The following SGCE variants were observed in gnomAD, a reference collection of about 807,000 sequenced individuals.
SGCE encodes sarcoglycan epsilon.
In SGCE, 26 loss-of-function variants were observed where a neutral mutation model predicts 57.8. The ratio of observed to expected loss-of-function variants is 0.45; its 90% CI spans 0.33 to 0.62. The LOEUF (loss-of-function observed/expected upper bound fraction) is 0.62. Among genes scored for constraint, SGCE ranks in the 20% least tolerant of loss-of-function variants. The pLI is 0.02. For missense variants in SGCE, 468 were observed against 548.6 expected (o/e 0.85, Z 1.47); for synonymous variants, 183 against 189.5 (o/e 0.97, Z 0.28).
chr7:94,597,259 C>G (rs956281471), intron 9 of SGCE: 1 of 152,186 alleles, frequency 6.6e-6, no homozygotes, highest in African/African-American at 2.4e-5. Flanking sequence ...TACTTACACT[C>G]TCATACACAC....
At chr7:94,599,060 A>C in intron 8 of SGCE, 97 bp from the exon 9 acceptor site, 1 of 893,638 alleles carries the variant, frequency 1.1e-6, no homozygotes, top group Non-Finnish European at 1.7e-6. Flanking sequence ...TTTATCTTTT[A>C]AAATAATAAG....
intron 5 of SGCE, among the ~76,000 whole-genome samples, chr7:94,606,453 C>T (rs189762646): frequency 6.5e-4 from 99 of 152,266 alleles, no homozygotes; most frequent in African/African-American, 2.2e-3. Flanking sequence ...GTATATGCCT[C>T]ATAACAGTGC....
intron 1 of SGCE, among the ~76,000 whole-genome samples, chr7:94,635,911 G>A (rs2117017317): frequency 6.6e-6 from 1 of 152,204 alleles, no homozygotes; most frequent in East Asian, 1.9e-4. Flanking sequence ...CCATTCATCT[G>A]GCATTGGCCA....
At chr7:94,631,477 A>C (rs954562017) in intron 1 of SGCE, among the ~76,000 whole-genome samples, 2 of 151,938 alleles carry the variant, frequency 1.3e-5, no homozygotes, top group African/African-American at 4.8e-5. Flanking sequence ...CAACACCTGG[A>C]AATATGGGAG....
chr7:94,588,191 C>G (rs73425438), intron 10 of SGCE: 1 of 1,072,522 alleles, frequency 9.3e-7, no homozygotes, highest in Non-Finnish European at 1.1e-6. Context: ...GAGAATTGTC[C>G]GCCATCTTGT....
chr7:94,624,162 C>CAA (rs11331999), intron 3 of SGCE: 259 of 350,970 alleles, frequency 7.4e-4, no homozygotes, highest in South Asian at 4.8e-3. Context: ...TGCAGTACCT[C>CAA]AAAAAAAAAA....
chr7:94,643,047 G>A (rs62465759), intron 1 of SGCE, among the ~76,000 whole-genome samples: 12,751 of 152,256 alleles, frequency 0.084, 582 homozygotes, highest in East Asian at 0.13. Flanking sequence ...AATGGGGTGA[G>A]TGCCCAGGCA....
At chr7:94,622,490 G>A (rs1388715683) in intron 4 of SGCE, 2 of 152,134 alleles carry the variant, frequency 1.3e-5, no homozygotes, top group African/African-American at 4.8e-5. Context: ...TTAGCCGGGT[G>A]TGGTGGCAGG....
chr7:94,614,389 A>G (rs1475868168), intron 5 of SGCE, among the ~76,000 whole-genome samples: 4 of 152,170 alleles, frequency 2.6e-5, no homozygotes, highest in Non-Finnish European at 5.9e-5. Flanking sequence ...AAATTTTAGT[A>G]TCAACCATTT....
chr7:94,655,762 C>A (rs985880716), intron 1 of SGCE, among the ~76,000 whole-genome samples: 1 of 86,480 alleles, frequency 1.2e-5, no homozygotes, highest in African/African-American at 6.4e-5. Context: ...GAGGGGCCCG[C>A]GGGGGCGCGG....
In SGCE at chr7:94,603,279, T is replaced by C; in HGVS notation, c.825+11A>G. On this transcript the variant is annotated intron_variant, in intron 6 of 10. Coordinates refer to ENST00000648936, the MANE Select transcript of SGCE (RefSeq NM_003919.3). ...TTTAACTAAACTTGCAAAAACAAAA[T>C]AAAAACTTACCAATGAAATTTTGCA... The C allele has an allele frequency of 6.2e-7, 1 of 1,607,972 alleles. No individual in the cohort carries two copies. The highest frequency in any genetic ancestry group is 8.5e-7 in the Non-Finnish European group (1 of 1,175,612).
At chr7:94,604,654 T>C (rs1799765343) in intron 5 of SGCE, among the ~76,000 whole-genome samples, 1 of 151,364 alleles carries the variant, frequency 6.6e-6, no homozygotes, top group Admixed American at 6.6e-5. Flanking sequence ...TTGTTATAAC[T>C]AATGGTGCTG....
intron 1 of SGCE, among the ~76,000 whole-genome samples, chr7:94,634,784 T>G (rs1584726768): frequency 6.6e-6 from 1 of 152,188 alleles, no homozygotes; most frequent in African/African-American, 2.4e-5. Context: ...CTTACTATAC[T>G]TGAGAGAGAG....
intron 10 of SGCE, among the ~76,000 whole-genome samples, chr7:94,586,075 A>AC (rs1194247925): frequency 1.3e-5 from 2 of 150,122 alleles, no homozygotes; most frequent in Admixed American, 1.3e-4. Context: ...AAAAAAAAAA[A>AC]AAAAAAAAAA....
intron 1 of SGCE, 130 bp from the exon 2 acceptor site, chr7:94,629,971 G>T: frequency 2.0e-6 from 2 of 990,146 alleles, no homozygotes; most frequent in Non-Finnish European, 3.0e-6. Flanking sequence ...GAAGCAACAT[G>T]CAAGGAAACT....
intron 4 of SGCE, chr7:94,620,221 G>A (rs1802547560): frequency 6.6e-6 from 1 of 151,990 alleles, no homozygotes; most frequent in East Asian, 1.9e-4. Context: ...GACATTTGAT[G>A]CCTGAGATGA....
intron 5 of SGCE, chr7:94,618,480 G>A (rs900658895): frequency 2.7e-5 from 9 of 337,920 alleles, no homozygotes; most frequent in African/African-American, 1.7e-4. Context: ...TAAATAATCA[G>A]CTTCTTAATG....
chr7:94,599,967 T>G (rs1367718166), intron 7 of SGCE: 1 of 372,960 alleles, frequency 2.7e-6, no homozygotes, highest in African/African-American at 2.1e-5. Context: ...AGGCCTTGAT[T>G]GAAATAAATT....
At chr7:94,604,470 C>A (rs999516485) in intron 5 of SGCE, among the ~76,000 whole-genome samples, 2 of 151,696 alleles carry the variant, frequency 1.3e-5, no homozygotes, top group African/African-American at 4.8e-5. Flanking sequence ...GGAAAACTCA[C>A]AATTCCCAAT....
Sources: allele counts gnomAD v4.1 joint callset (sites outside exome capture counted in the v4.1 genomes callset), GRCh38; gene constraint gnomAD v4.1.1; transcripts MANE v1.5; gene names NCBI Gene and HGNC (gene_info 2026-07-23, HGNC 2026-07-21).